FAM114A1: variants seen among roughly 807,000 people sequenced by gnomAD.
FAM114A1 encodes the protein protein NOXP20.
In FAM114A1, 62 loss-of-function variants were observed where a neutral mutation model predicts 64.3. That is an observed-to-expected ratio of 0.96 (90% CI 0.79 to 1.19). The LOEUF is 1.19. FAM114A1 is among the 50% of genes most tolerant of loss of function. FAM114A1 has a pLI of 0.00. For missense variants in FAM114A1, 645 were observed against 676.3 expected (o/e 0.95, Z 0.51); for synonymous variants, 254 against 251.1 (o/e 1.01, Z -0.11).
At chr4:38,892,348 T>C (rs1716493690) in intron 4 of FAM114A1, among the ~76,000 whole-genome samples, 2 of 152,340 alleles carry the variant, frequency 1.3e-5, no homozygotes, top group Admixed American at 1.3e-4. Context: ...CCATGGCTAA[T>C]AGAGTTTTTG....
intron 9 of FAM114A1, among the ~76,000 whole-genome samples, chr4:38,928,447 A>AT (rs1393175177): frequency 1.3e-5 from 2 of 152,038 alleles, no homozygotes; most frequent in Non-Finnish European, 2.9e-5. Flanking sequence ...AATGATCCTA[A>AT]TTTTTTTATT....
At chr4:38,937,801 C>G (rs1218310979) in intron 13 of FAM114A1, among the ~76,000 whole-genome samples, 1 of 152,158 alleles carries the variant, frequency 6.6e-6, no homozygotes, top group African/African-American at 2.4e-5. Flanking sequence ...GTGGCGCGAT[C>G]TTGGCTCACT....
chr4:38,905,415 AG>A (rs1717896116), intron 4 of FAM114A1, 106 bp from the exon 5 acceptor site: 14 of 805,886 alleles, frequency 1.7e-5, no homozygotes, highest in South Asian at 3.5e-5. Flanking sequence ...AAAAAAAAAA[AG>A]AAAGATGTAC....
intron 9 of FAM114A1, among the ~76,000 whole-genome samples, chr4:38,924,488 G>A (rs1331902687): frequency 6.6e-6 from 1 of 152,156 alleles, no homozygotes; most frequent in African/African-American, 2.4e-5. Context: ...TTGATGTTCA[G>A]GGCGAAATTA....
At chr4:38,900,796 G>A (rs1220244762) in intron 4 of FAM114A1, among the ~76,000 whole-genome samples, 1 of 152,186 alleles carries the variant, frequency 6.6e-6, no homozygotes, top group Non-Finnish European at 1.5e-5. Flanking sequence ...TTGTTTAAAT[G>A]GGTATAGAGT....
intron 3 of FAM114A1, 25 bp from the exon 4 acceptor site, chr4:38,891,718 C>T (rs1368129120): frequency 6.3e-7 from 1 of 1,579,638 alleles, no homozygotes; most frequent in Non-Finnish European, 8.6e-7. Context: ...AATTTCTGAC[C>T]TGTGGCTAAT....
chr4:38,905,929 A>G, intron 6 of FAM114A1, 68 bp downstream of exon 6: 2 of 1,372,026 alleles, frequency 1.5e-6, no homozygotes, highest in East Asian at 4.8e-5. Flanking sequence ...ATTTCCATTT[A>G]CCAGTGACCT....
chr4:38,929,816 G>A (rs1036208153), intron 10 of FAM114A1, among the ~76,000 whole-genome samples: 1 of 152,130 alleles, frequency 6.6e-6, no homozygotes, highest in Non-Finnish European at 1.5e-5. Flanking sequence ...ATTTGAGGAG[G>A]CAACATAATG....
chr4:38,899,635 C>T (rs1198641552), intron 4 of FAM114A1, among the ~76,000 whole-genome samples: 1 of 152,152 alleles, frequency 6.6e-6, no homozygotes, highest in East Asian at 1.9e-4. Flanking sequence ...AAAGGAATCA[C>T]AAGAAATAAT....
Sources: gnomAD v4.1 joint callset for allele counts (sites outside exome capture counted in the v4.1 genomes callset) on GRCh38, gnomAD v4.1.1 for gene constraint, MANE v1.5 for transcripts, NCBI Gene and HGNC (gene_info 2026-07-23, HGNC 2026-07-21) for gene names.